Variants in RP1L1 observed in about 807,000 individuals in gnomAD.
RP1L1 encodes the protein RP1 like 1.
In RP1L1, 27 loss-of-function variants were observed where a neutral mutation model predicts 15.7. The observed-to-expected ratio is 1.72, with a 90% CI of 1.27 to 2.38. The LOEUF (loss-of-function observed/expected upper bound fraction) is 2.38. RP1L1 is among the 30% of genes most tolerant of loss of function. The probability of loss-of-function intolerance (pLI) is 0.00; values close to 1 mark genes in which losing one functional copy is unlikely to be tolerated. For synonymous variants in RP1L1, 1,813 were observed against 1,276.7 expected, an observed-to-expected ratio of 1.42 and a Z score of -8.96; for missense variants, 4,798 against 3,075.9, an observed-to-expected ratio of 1.56 and a Z score of -13.24.
Position 10,611,329 on chromosome 8 carries a change from G to A in RP1L1, c.2769C>T (p.Ser923=), listed in dbSNP as rs373203833. The A allele has an allele frequency of 1.5e-5, 24 of 1,612,554 alleles. No individual in the cohort carries two copies. The highest frequency in any genetic ancestry group is 2.2e-5 in the East Asian group (1 of 44,866). The part of the protein sequence containing the change: ...ASQGAGSRGL[S]EEKTLRSGGG... ...CCCCACTCCTCAAGGTCTTCTCCTC[G>A]GACAGCCCCCGAGACCCCGCACCCT... Residue 923 remains serine (S), a synonymous_variant, in exon 4 of 4, where the codon TCC becomes TCT. Coordinates refer to ENST00000382483, the MANE Select transcript of RP1L1 (RefSeq NM_178857.6).
Position 10,607,885 on chromosome 8 carries a change from G to T in RP1L1, c.6213C>A (p.Val2071=), listed in dbSNP as rs745690110. ...GGTGGGCCTCCCCTTCTGCCTCCTG[G>T]ACCTCCCCTTCAGCCTCCTGTGCCT... The part of the protein sequence containing the change: ...EEEAQEAEGE[V]QEAEGEAHPE... The change falls in exon 4 of 4, where the codon GTC becomes GTA. Residue 2071 remains valine (V), a synonymous_variant. Transcript: ENST00000382483. 5 of 1,586,016 alleles carry T rather than the reference G, an allele frequency of 3.2e-6. No individual in the cohort carries two copies. The highest frequency in any genetic ancestry group is 1.7e-5 in the Admixed American group (1 of 57,702).
chr8:10,609,074 G>C lies in RP1L1; in HGVS notation c.5024C>G (p.Thr1675Arg). ...GATGGGACCTCTGGTTGCCCCCATTGTGGCCTTGGGGGACATAGGGCTCAC... is the reference window on the plus strand; with the variant it reads ...GATGGGACCTCTGGTTGCCCCCATTCTGGCCTTGGGGGACATAGGGCTCAC... The part of the protein sequence containing the change: ...KKVSPMSPKA[T>R]MGATRGPIKE... The change falls in exon 4 of 4, where the codon ACA becomes AGA. Residue 1675 changes from threonine (T) to arginine (R), a missense_variant. By Grantham distance (71) the Thr-to-Arg change is moderately conservative (BLOSUM62 -1). Transcript: ENST00000382483. 6.2e-7 allele frequency: 1 copy of C among 1,613,810 alleles called. No homozygotes were observed. Among genetic ancestry groups the C allele is most frequent in the Non-Finnish European group, 8.5e-7 (1 of 1,179,750 alleles).
chr8:10,619,960 C>CAAA (rs34459240), intron 2 of RP1L1, among the ~76,000 whole-genome samples: 3 of 87,166 alleles, frequency 3.4e-5, no homozygotes, highest in African/African-American at 4.6e-5. Flanking sequence ...GACTCCATCT[C>CAAA]AAAAAAAAAA....
chr8:10,636,522 C>G (rs6981249), intron 1 of RP1L1, among the ~76,000 whole-genome samples: 6,353 of 152,258 alleles, frequency 0.042, 392 homozygotes, highest in African/African-American at 0.14. Context: ...TCTTCCCTTC[C>G]CCCTCGAATG....
At position 10,613,063 on chromosome 8, in the gene RP1L1, C is replaced by T. The variant is rs73201157; in HGVS notation, c.1035G>A (p.Arg345=). 766 of 1,613,662 alleles carry T rather than the reference C, an allele frequency of 4.7e-4. No individual in the cohort carries two copies. The highest frequency in any genetic ancestry group is 6.1e-4 in the Non-Finnish European group (719 of 1,180,042). The change falls in exon 4 of 4, where the codon AGG becomes AGA. Residue 345 remains arginine (R), a synonymous_variant. Coordinates refer to ENST00000382483, the MANE Select transcript of RP1L1 (RefSeq NM_178857.6). ...CACTGGCTGCCGTGAGGGCGCTGGC[C>T]CTGCCCATCCTCCGGGACCATAGGA... ...DTLLWSRRMG[R]ASALTAASGE...
Position 10,609,277 on chromosome 8 carries a change from TC to T in RP1L1, c.4820del (p.Arg1607AsnfsTer57). 6.2e-7 allele frequency: 1 copy of T among 1,609,986 alleles called. No individual in the cohort carries two copies. Among genetic ancestry groups the T allele is most frequent in the Non-Finnish European group, 8.5e-7 (1 of 1,179,688 alleles). On this transcript the variant is annotated frameshift_variant, in exon 4 of 4. Coordinates refer to ENST00000382483, the MANE Select transcript of RP1L1 (RefSeq NM_178857.6). LOFTEE classifies it low-confidence loss of function (END_TRUNC). ...GGTTTCGCAGGCCCCGGAGACGGTG[TC>T]TGCGCTGCTGGGTCTGCAGGAGCAG... ...GELLLQTQQR[R>X]HRLRGLRNLS...
At position 10,622,737 on chromosome 8, in the gene RP1L1, C is replaced by T; in HGVS notation, c.465G>A (p.Leu155=). Residue 155 remains leucine (L), a synonymous_variant, in exon 2 of 4, where the codon CTG becomes CTA. Coordinates refer to ENST00000382483, the MANE Select transcript of RP1L1 (RefSeq NM_178857.6). ...RKSLKTPRRI[L]LIKNMDPRLQ... ...GGCGAGGGTCCATGTTCTTAATCAG[C>T]AGTATCCTCCGGGGGGTTTTAAGAC... is the stretch of plus-strand genomic sequence containing the variant. The T allele has an allele frequency of 6.2e-7, 1 of 1,614,150 alleles. No homozygotes were observed. The highest frequency in any genetic ancestry group is 1.1e-5 in the South Asian group (1 of 91,076).
intron 1 of RP1L1, among the ~76,000 whole-genome samples, chr8:10,623,969 T>G (rs1798117298): frequency 6.6e-6 from 1 of 151,350 alleles, no homozygotes; most frequent in Non-Finnish European, 1.5e-5. Flanking sequence ...CATCACCATG[T>G]CCCCAGCACC....
chr8:10,654,379 T>G (rs940666492), intron 1 of RP1L1, among the ~76,000 whole-genome samples: 1 of 152,020 alleles, frequency 6.6e-6, no homozygotes, highest in Non-Finnish European at 1.5e-5. Flanking sequence ...CTATGCCCCT[T>G]CCTTACCACT....
At position 10,609,363 on chromosome 8, in the gene RP1L1, G is replaced by A; in HGVS notation, c.4735C>T (p.Leu1579Phe). 3 of 1,612,514 alleles carry A rather than the reference G, an allele frequency of 1.9e-6. No individual in the cohort carries two copies. The highest frequency in any genetic ancestry group is 1.6e-4 in the Middle Eastern group (1 of 6,062). Residue 1579 changes from leucine to phenylalanine, a missense_variant, in exon 4 of 4, where the codon CTC becomes TTC. Leu to Phe is a conservative substitution (Grantham distance 22). Coordinates refer to ENST00000382483, the MANE Select transcript of RP1L1 (RefSeq NM_178857.6). ...ACCATCCTACCCGCCCGGCCCTGGAGCTTCTGGAGCTCTCTCTTGGTGCTG... is the reference window on the plus strand; with the variant it reads ...ACCATCCTACCCGCCCGGCCCTGGAACTTCTGGAGCTCTCTCTTGGTGCTG... Reference protein sequence around the residue: ...QDSTKRELQKLQGRAGRMVLE... With the variant: ...QDSTKRELQKFQGRAGRMVLE...
chr8:10,616,661 G>A, intron 2 of RP1L1, 74 bp from the exon 3 acceptor site: 1 of 1,500,438 alleles, frequency 6.7e-7, no homozygotes, highest in South Asian at 1.2e-5. Flanking sequence ...GGGGGAGGAA[G>A]GATCCAGTCT....
At chr8:10,624,648 G>A (rs1798128323) in intron 1 of RP1L1, among the ~76,000 whole-genome samples, 1 of 150,318 alleles carries the variant, frequency 6.7e-6, no homozygotes, top group South Asian at 2.1e-4. Flanking sequence ...GCAAGCTGGG[G>A]TGGAAGGCCG....
Position 10,611,304 on chromosome 8 carries a change from C to T in RP1L1, c.2794G>A (p.Gly932Arg), listed in dbSNP as rs775191882. The change falls in exon 4 of 4, where the codon GGA (glycine) becomes AGA (arginine). Residue 932 changes from glycine (G) to arginine (R), a missense_variant. By Grantham distance (125) the Gly-to-Arg change is moderately radical. Transcript: ENST00000382483. Reference sequence around the variant, plus strand: ...GCCTCCTCCTGCCCCTGGGGGCCTCCCCCACTCCTCAAGGTCTTCTCCTCG... The same window carrying T: ...GCCTCCTCCTGCCCCTGGGGGCCTCTCCCACTCCTCAAGGTCTTCTCCTCG... ...LSEEKTLRSG[G>R]GPQGQEEASG... is the part of the protein sequence containing the mutation. 1.2e-6 allele frequency: 2 copies of T among 1,612,972 alleles called. No homozygotes were observed. The highest frequency in any genetic ancestry group is 3.3e-5 in the Admixed American group (2 of 60,034).
intron 1 of RP1L1, among the ~76,000 whole-genome samples, chr8:10,652,505 G>A (rs964024347): frequency 4.6e-5 from 7 of 152,138 alleles, no homozygotes; most frequent in Non-Finnish European, 1.0e-4. Context: ...GGTATAACCA[G>A]CCCCGCAGTA....
At chr8:10,614,661 C>CAAAAAAAAAAAA (rs772003815) in intron 3 of RP1L1, among the ~76,000 whole-genome samples, 4 of 75,498 alleles carry the variant, frequency 5.3e-5, no homozygotes, top group Non-Finnish European at 7.6e-5. Context: ...ATTCTGTCGT[C>CAAAAAAAAAAAA]AAAAAAAAAA....
At chr8:10,623,896 T>G (rs1000350764) in intron 1 of RP1L1, among the ~76,000 whole-genome samples, 5 of 146,914 alleles carry the variant, frequency 3.4e-5, no homozygotes, top group African/African-American at 1.3e-4. Flanking sequence ...TCCCAGCACC[T>G]CCATGTCCCC....
In RP1L1 at chr8:10,608,200, T is replaced by G. The variant is rs556472162; in HGVS notation, c.5898A>C (p.Ala1966=). 6.3e-7 allele frequency: 1 copy of G among 1,599,662 alleles called. No individual in the cohort carries two copies. The highest frequency in any genetic ancestry group is 8.5e-7 in the Non-Finnish European group (1 of 1,179,292). ...PESEVIESQE[A]EEEAQPESED... Reference sequence around the variant, plus strand: ...CTGACTCTGGCTGGGCTTCCTCTTCTGCCTCCTGGGACTCTATAACTTCTG... The same window carrying G: ...CTGACTCTGGCTGGGCTTCCTCTTCGGCCTCCTGGGACTCTATAACTTCTG... Residue 1966 remains alanine, a synonymous_variant, in exon 4 of 4, where the codon GCA becomes GCC. Coordinates refer to ENST00000382483, the MANE Select transcript of RP1L1 (RefSeq NM_178857.6).
intron 1 of RP1L1, among the ~76,000 whole-genome samples, chr8:10,625,321 G>A (rs1798139108): frequency 6.6e-6 from 1 of 152,168 alleles, no homozygotes; most frequent in South Asian, 2.1e-4. Flanking sequence ...CTCCCAGGAG[G>A]GAGAAGGCTC....
intron 1 of RP1L1, among the ~76,000 whole-genome samples, chr8:10,632,310 G>C (rs1036830958): frequency 1.4e-4 from 21 of 152,236 alleles, no homozygotes; most frequent in Non-Finnish European, 2.9e-4. Flanking sequence ...GAACGTTCTA[G>C]AACATTTTTC....
Sources: gnomAD v4.1 joint callset for allele counts (sites outside exome capture counted in the v4.1 genomes callset) on GRCh38, gnomAD v4.1.1 for gene constraint, MANE v1.5 for transcripts, NCBI Gene and HGNC (gene_info 2026-07-23, HGNC 2026-07-21) for gene names.